CDH18: variants seen among roughly 807,000 people sequenced by gnomAD.
CDH18 encodes the protein cadherin 18.
A neutral mutation model predicts 67.9 loss-of-function variants in CDH18; 31 were observed. The ratio of observed to expected loss-of-function variants is 0.46; its 90% confidence interval spans 0.34 to 0.62. The LOEUF (loss-of-function observed/expected upper bound fraction) is 0.62. Among genes scored for constraint, CDH18 ranks in the 20% least tolerant of loss-of-function variants. CDH18 has a pLI of 0.01. For synonymous variants in CDH18, 362 were observed against 347.2 expected (o/e 1.04, Z -0.48); for missense variants, 890 against 975.5 (o/e 0.91, Z 1.17).
intron 2 of CDH18, among the ~76,000 whole-genome samples, chr5:20,186,606 C>T (rs938062439): frequency 2.0e-5 from 3 of 151,876 alleles, no homozygotes; most frequent in African/African-American, 7.2e-5. Flanking sequence ...AGAGATACCA[C>T]ATATTACCCG....
chr5:20,373,642 T>TATAAATAAATAA lies in CDH18; in HGVS notation c.-579-118149_-579-118138dup, dbSNP rs34470344. 4.1e-3 allele frequency among the ~76,000 whole-genome samples: 613 copies of TATAAATAAATAA among 150,460 alleles called. 5 individuals are homozygous for TATAAATAAATAA. Among genetic ancestry groups the TATAAATAAATAA allele is most frequent in the African/African-American group, 0.015 (594 of 40,782 alleles). ...ATTGTAGTCTCTCCTGAAAAATAAA[T>TATAAATAAATAA]ATAAATAAATAAATAAATAAATAAA... On this transcript the variant is annotated intron_variant, in intron 1 of 14. Transcript: ENST00000507958.
chr5:19,940,082 T>C lies in CDH18; in HGVS notation c.-257+40978A>G, dbSNP rs532318933. ...ATCAACCTGTCACTTTTTTCTTACT[T>C]ATGTATATAGAGACCAGTACTTTTC... is the stretch of plus-strand genomic sequence containing the variant. On this transcript the variant is annotated intron_variant, in intron 2 of 12. Transcript: ENST00000382275. 1.9e-3 allele frequency among the ~76,000 whole-genome samples: 286 copies of C among 151,986 alleles called. 1 individual carries two copies. The highest frequency in any genetic ancestry group is 6.5e-3 in the African/African-American group (270 of 41,540).
intron 1 of CDH18, among the ~76,000 whole-genome samples, chr5:20,259,423 T>C (rs1744481119): frequency 6.6e-6 from 1 of 152,098 alleles, no homozygotes. Flanking sequence ...TTCTCCCACC[T>C]CCGCCACCCC....
intron 2 of CDH18, among the ~76,000 whole-genome samples, chr5:19,844,460 T>G (rs1782694242): frequency 6.6e-6 from 1 of 152,196 alleles, no homozygotes; most frequent in Admixed American, 6.5e-5. Context: ...CCACCAATAT[T>G]GTAAGTTTCC....
chr5:20,115,607 T>C (rs964058167), intron 2 of CDH18, among the ~76,000 whole-genome samples: 2 of 151,898 alleles, frequency 1.3e-5, no homozygotes, highest in Admixed American at 1.3e-4. Flanking sequence ...CCTATTACCA[T>C]CATATTAGGG....
At chr5:20,471,577 G>T (rs1752075450) in intron 1 of CDH18, among the ~76,000 whole-genome samples, 1 of 151,858 alleles carries the variant, frequency 6.6e-6, no homozygotes. Flanking sequence ...CGAGGCGGGA[G>T]GATCACAAGG....
chr5:19,525,535 A>G (rs915085061), intron 9 of CDH18, among the ~76,000 whole-genome samples: 2 of 152,228 alleles, frequency 1.3e-5, no homozygotes, highest in Admixed American at 6.5e-5. Flanking sequence ...ATTACGAAAA[A>G]CAAAATGTTA....
chr5:20,308,255 C>T (rs770395341), intron 1 of CDH18, among the ~76,000 whole-genome samples: 45 of 151,782 alleles, frequency 3.0e-4, no homozygotes, highest in East Asian at 9.7e-4. Flanking sequence ...TTGATCGTAG[C>T]CAAAAGGCCG....
chr5:19,595,024 T>C (rs1245393220), intron 6 of CDH18, among the ~76,000 whole-genome samples: 1 of 151,956 alleles, frequency 6.6e-6, no homozygotes, highest in Non-Finnish European at 1.5e-5. Flanking sequence ...AACATAATAT[T>C]ACATATATAA....
intron 2 of CDH18, among the ~76,000 whole-genome samples, chr5:20,051,134 A>G (rs1741383775): frequency 6.6e-6 from 1 of 151,982 alleles, no homozygotes; most frequent in Admixed American, 6.6e-5. Flanking sequence ...GAAGGATATA[A>G]AAATCCTTTT....
chr5:20,500,013 A>T (rs1034405607), intron 1 of CDH18, among the ~76,000 whole-genome samples: 1 of 152,100 alleles, frequency 6.6e-6, no homozygotes, highest in Non-Finnish European at 1.5e-5. Context: ...TTAAATTGTC[A>T]CAGACCATTG....
chr5:19,760,679 A>C (rs1160472941), intron 3 of CDH18, among the ~76,000 whole-genome samples: 1 of 152,148 alleles, frequency 6.6e-6, no homozygotes, highest in Non-Finnish European at 1.5e-5. Context: ...TAGAGAACTC[A>C]AACAGTTCTT....
intron 1 of CDH18, among the ~76,000 whole-genome samples, chr5:20,324,466 G>A (rs1313105112): frequency 6.6e-5 from 10 of 152,108 alleles, no homozygotes; most frequent in African/African-American, 1.4e-4. Flanking sequence ...GCAGGAACCC[G>A]GGAGGCGGAG....
chr5:20,475,192 G>T (rs764396746), intron 1 of CDH18, among the ~76,000 whole-genome samples: 15 of 152,074 alleles, frequency 9.9e-5, no homozygotes, highest in Non-Finnish European at 1.8e-4. Flanking sequence ...ATAAAAATGT[G>T]TCTCAATTAT....
At chr5:20,052,530 T>G (rs978709433) in intron 2 of CDH18, among the ~76,000 whole-genome samples, 2 of 152,122 alleles carry the variant, frequency 1.3e-5, no homozygotes, top group Non-Finnish European at 2.9e-5. Flanking sequence ...CGTGTATTCA[T>G]GGACTGAGTC....
At chr5:19,958,924 G>C (rs970518198) in intron 2 of CDH18, among the ~76,000 whole-genome samples, 1 of 152,028 alleles carries the variant, frequency 6.6e-6, no homozygotes, top group Admixed American at 6.6e-5. Flanking sequence ...TGACCATTCT[G>C]CTAGGTATCC....
chr5:20,464,912 C>T (rs1435856559), intron 1 of CDH18, among the ~76,000 whole-genome samples: 1 of 152,062 alleles, frequency 6.6e-6, no homozygotes, highest in East Asian at 1.9e-4. Context: ...ATAAAACTCA[C>T]AGACATGAAC....
chr5:20,301,088 G>T (rs949609559), intron 1 of CDH18, among the ~76,000 whole-genome samples: 13 of 152,106 alleles, frequency 8.5e-5, no homozygotes, highest in Non-Finnish European at 4.4e-5. Flanking sequence ...CTATTCTATT[G>T]TGTCTTTTTT....
intron 10 of CDH18, among the ~76,000 whole-genome samples, chr5:19,513,323 T>C (rs1402499762): frequency 6.6e-6 from 1 of 152,128 alleles, no homozygotes; most frequent in Non-Finnish European, 1.5e-5. Flanking sequence ...TAAAAATATA[T>C]GCATTATGTC....
Sources: allele counts gnomAD v4.1 joint callset (sites outside exome capture counted in the v4.1 genomes callset), GRCh38; gene constraint gnomAD v4.1.1; transcripts MANE v1.5; gene names NCBI Gene and HGNC (gene_info 2026-07-23, HGNC 2026-07-21).